The following ADARB2 variants were observed in gnomAD, a reference collection of about 807,000 sequenced individuals.
The protein encoded by ADARB2 is adenosine deaminase RNA specific B2 (inactive).
ADARB2 carries 25 observed loss-of-function variants against 62.2 expected under a neutral mutation model. The ratio of observed to expected loss-of-function variants is 0.40; its 90% confidence interval spans 0.29 to 0.56. ADARB2 has a LOEUF of 0.56. ADARB2 is among the 20% of genes least tolerant of loss of function. The pLI is 0.43. For missense variants in ADARB2, 1,071 were observed against 1,077.4 expected (o/e 0.99, Z 0.08); for synonymous variants, 572 against 500.8 (o/e 1.14, Z -1.90).
At position 1,726,851 on chromosome 10, in the gene ADARB2, G is replaced by A. The variant is rs544674405; in HGVS notation, c.100+10200C>T. Among the ~76,000 whole-genome samples, 16 of 152,230 alleles carry A rather than the reference G, an allele frequency of 1.1e-4. No homozygotes were observed. In the East Asian group the frequency reaches 2.5e-3, roughly 24 times the overall value. On this transcript the variant is annotated intron_variant, in intron 1 of 9. Transcript: ENST00000381312. ...TCCCAGTGAGACCTCAGGGGCTCAC[G>A]CTGGAAGCACAGCAGAGGGGCCAGG...
At chr10:1,241,396 A>G (rs1245249216) in intron 5 of ADARB2, among the ~76,000 whole-genome samples, 1 of 152,214 alleles carries the variant, frequency 6.6e-6, no homozygotes, top group African/African-American at 2.4e-5. Context: ...AAAGCCCCCC[A>G]AGGTCCCATT....
chr10:1,433,425 A>G (rs1449825482), intron 1 of ADARB2, among the ~76,000 whole-genome samples: 2 of 152,206 alleles, frequency 1.3e-5, no homozygotes, highest in Non-Finnish European at 1.5e-5. Flanking sequence ...TATTGTCACC[A>G]GGGAAGTGGA....
intron 1 of ADARB2, among the ~76,000 whole-genome samples, chr10:1,545,329 A>T (rs1832502767): frequency 6.6e-6 from 1 of 152,160 alleles, no homozygotes; most frequent in Non-Finnish European, 1.5e-5. Context: ...TATCTTTCTT[A>T]TGTTTAAAGA....
At chr10:1,305,224 C>A (rs1449222563) in intron 3 of ADARB2, among the ~76,000 whole-genome samples, 1 of 142,440 alleles carries the variant, frequency 7.0e-6, no homozygotes, top group Non-Finnish European at 1.6e-5. Flanking sequence ...GGGGATATCA[C>A]CACTGATCCC....
intron 1 of ADARB2, among the ~76,000 whole-genome samples, chr10:1,414,878 C>A (rs1369162660): frequency 6.6e-6 from 1 of 151,886 alleles, no homozygotes; most frequent in Non-Finnish European, 1.5e-5. Context: ...ATGAGTGGCT[C>A]ATGGATGGTT....
intron 7 of ADARB2, among the ~76,000 whole-genome samples, chr10:1,213,725 G>A (rs1025074067): frequency 1.3e-5 from 2 of 152,210 alleles, no homozygotes; most frequent in African/African-American, 2.4e-5. Flanking sequence ...CCCAAATCCC[G>A]GACACTGAAA....
At chr10:1,508,911 G>C (rs1211674408) in intron 1 of ADARB2, among the ~76,000 whole-genome samples, 1 of 152,204 alleles carries the variant, frequency 6.6e-6, no homozygotes, top group Non-Finnish European at 1.5e-5. Flanking sequence ...GCTCTGCGGA[G>C]GCCTTTCCTT....
At chr10:1,592,951 C>T (rs1588315515) in intron 1 of ADARB2, among the ~76,000 whole-genome samples, 1 of 80,672 alleles carries the variant, frequency 1.2e-5, no homozygotes, top group African/African-American at 5.4e-5. Flanking sequence ...CCCAGCTTCC[C>T]TCGCCCAAGC....
At chr10:1,202,563 G>C (rs1045220601) in intron 7 of ADARB2, among the ~76,000 whole-genome samples, 1 of 152,180 alleles carries the variant, frequency 6.6e-6, no homozygotes, top group African/African-American at 2.4e-5. Flanking sequence ...AGGCTGGGAG[G>C]AAATTCAGCA....
intron 1 of ADARB2, among the ~76,000 whole-genome samples, chr10:1,728,265 A>G (rs1392275806): frequency 6.6e-6 from 1 of 152,242 alleles, no homozygotes; most frequent in Non-Finnish European, 1.5e-5. Context: ...TGCAATTTTT[A>G]CAATTAAGCA....
At chr10:1,658,317 G>C (rs1348919511) in intron 1 of ADARB2, among the ~76,000 whole-genome samples, 1 of 148,728 alleles carries the variant, frequency 6.7e-6, no homozygotes, top group Non-Finnish European at 1.5e-5. Context: ...CTCTCTATCT[G>C]ATTCTGTCTC....
chr10:1,471,124 G>T (rs1344566896), intron 1 of ADARB2, among the ~76,000 whole-genome samples: 1 of 152,188 alleles, frequency 6.6e-6, no homozygotes, highest in Non-Finnish European at 1.5e-5. Context: ...CTACTGGAAT[G>T]ATCCCACAGG....
chr10:1,654,855 C>T (rs972447994), intron 1 of ADARB2, among the ~76,000 whole-genome samples: 5 of 152,222 alleles, frequency 3.3e-5, no homozygotes, highest in African/African-American at 7.2e-5. Flanking sequence ...CCCAGCCACA[C>T]GCCAGGCCCA....
chr10:1,377,009 GTGTT>G (rs1350694143), intron 2 of ADARB2, among the ~76,000 whole-genome samples: 5 of 143,090 alleles, frequency 3.5e-5, no homozygotes, highest in African/African-American at 1.3e-4. Flanking sequence ...TGGGGTGTGT[GTGTT>G]TGTGTGTGCT....
At chr10:1,441,318 T>C (rs77212673) in intron 1 of ADARB2, among the ~76,000 whole-genome samples, 3 of 152,250 alleles carry the variant, frequency 2.0e-5, no homozygotes, top group Non-Finnish European at 4.4e-5. Flanking sequence ...GCTGTTTTTA[T>C]TGTTTTTGCT....
rs114804444 is a variant in ADARB2 at position 1,368,141 on chromosome 10, G to A, written c.188-4224C>T. Among the ~76,000 whole-genome samples, 1,448 of 146,858 alleles carry A rather than the reference G, an allele frequency of 9.9e-3. 35 individuals are homozygous for A. The highest frequency in any genetic ancestry group is 0.033 in the African/African-American group (1,351 of 41,184). ...GCCTCTGCATGGAGCTGTGGGGAAC[G>A]GGGGCGCAGGGGACACTCGGGCTCT... On this transcript the variant is annotated intron_variant, in intron 2 of 9. Transcript: ENST00000381312.
At chr10:1,230,210 T>A (rs527476083) in intron 6 of ADARB2, among the ~76,000 whole-genome samples, 1 of 152,280 alleles carries the variant, frequency 6.6e-6, no homozygotes, top group African/African-American at 2.4e-5. Context: ...ATCATGGCCC[T>A]CAGGGCTTCC....
intron 1 of ADARB2, among the ~76,000 whole-genome samples, chr10:1,462,851 T>C (rs1455473308): frequency 6.6e-6 from 1 of 152,222 alleles, no homozygotes; most frequent in Non-Finnish European, 1.5e-5. Flanking sequence ...TACATGTGTG[T>C]ATGCATGTGT....
At chr10:1,506,976 C>T (rs1392891627) in intron 1 of ADARB2, among the ~76,000 whole-genome samples, 1 of 152,200 alleles carries the variant, frequency 6.6e-6, no homozygotes, top group Non-Finnish European at 1.5e-5. Context: ...GCAGGTCTTC[C>T]CCACAATCCG....
Sources: allele counts gnomAD v4.1 joint callset (sites outside exome capture counted in the v4.1 genomes callset), GRCh38; gene constraint gnomAD v4.1.1; transcripts MANE v1.5; gene names NCBI Gene and HGNC (gene_info 2026-07-23, HGNC 2026-07-21).